The following CDC42BPA variants were observed in gnomAD, a reference collection of about 807,000 sequenced individuals.
CDC42BPA encodes CDC42 binding protein kinase alpha.
A neutral mutation model predicts 223.5 loss-of-function variants in CDC42BPA; 80 were observed. The ratio of observed to expected loss-of-function variants is 0.36; its 90% CI spans 0.30 to 0.43. The LOEUF (loss-of-function observed/expected upper bound fraction) is 0.43, where lower values mean the gene tolerates loss of function less well. Among genes scored for constraint, CDC42BPA ranks in the 20% least tolerant of loss-of-function variants. The probability of loss-of-function intolerance (pLI) is 1.00; values close to 1 mark genes in which losing one functional copy is unlikely to be tolerated. For synonymous variants in CDC42BPA, 694 were observed against 718.6 expected (o/e 0.97, Z 0.55); for missense variants, 1,743 against 2,099.9 (o/e 0.83, Z 3.32).
chr1:227,009,658 C>T (rs915610248), intron 34 of CDC42BPA, among the ~76,000 whole-genome samples: 4 of 152,036 alleles, frequency 2.6e-5, no homozygotes, highest in African/African-American at 9.7e-5. Flanking sequence ...TCAAGTGGTC[C>T]TCCTGCCTCA....
At chr1:227,064,617 T>C (rs1321592499) in intron 21 of CDC42BPA, among the ~76,000 whole-genome samples, 1 of 152,062 alleles carries the variant, frequency 6.6e-6, no homozygotes, top group Admixed American at 6.5e-5. Context: ...AGGCTGGGGC[T>C]AACATGGACT....
chr1:227,121,124 G>T (rs1166399170), intron 11 of CDC42BPA, among the ~76,000 whole-genome samples: 1 of 152,116 alleles, frequency 6.6e-6, no homozygotes. Context: ...CCCGAGAATT[G>T]GGGATCTCTG....
intron 23 of CDC42BPA, 35 bp from the exon 24 acceptor site, chr1:227,040,271 G>A: frequency 7.4e-7 from 1 of 1,343,556 alleles, no homozygotes; most frequent in Non-Finnish European, 1.1e-6. Context: ...CACACAGATT[G>A]TTTAAAAGAT....
chr1:227,185,367 C>T (rs1440121617), intron 5 of CDC42BPA, among the ~76,000 whole-genome samples: 2 of 152,130 alleles, frequency 1.3e-5, no homozygotes, highest in Non-Finnish European at 2.9e-5. Context: ...CCTAACATGG[C>T]GATTCCCACC....
intron 10 of CDC42BPA, 41 bp from the exon 11 acceptor site, chr1:227,129,272 C>T (rs778861891): frequency 6.5e-6 from 9 of 1,389,650 alleles, no homozygotes; most frequent in East Asian, 2.4e-5. Flanking sequence ...TATCACCATA[C>T]TCTAAATTCT....
At chr1:227,053,713 T>C (rs531665716) in intron 21 of CDC42BPA, among the ~76,000 whole-genome samples, 1 of 152,168 alleles carries the variant, frequency 6.6e-6, no homozygotes, top group Non-Finnish European at 1.5e-5. Flanking sequence ...TTTCCTTTCC[T>C]GATAGTAAAT....
chr1:227,277,903 C>T (rs911131703), intron 1 of CDC42BPA, among the ~76,000 whole-genome samples: 7 of 152,104 alleles, frequency 4.6e-5, no homozygotes, highest in Non-Finnish European at 8.8e-5. Context: ...GCACCCGCCA[C>T]GACGCCCGGC....
intron 8 of CDC42BPA, among the ~76,000 whole-genome samples, chr1:227,144,306 G>A (rs1201697360): frequency 6.6e-6 from 1 of 152,176 alleles, no homozygotes; most frequent in Non-Finnish European, 1.5e-5. Context: ...GCCGGGAGCA[G>A]TGGCTCATGC....
chr1:227,253,890 T>C (rs756293645), intron 2 of CDC42BPA, among the ~76,000 whole-genome samples, 174 bp downstream of exon 2: 2 of 152,154 alleles, frequency 1.3e-5, no homozygotes, highest in Non-Finnish European at 2.9e-5. Flanking sequence ...ATTCAACACT[T>C]TATTTTCTGA....
rs563416219 is a variant in CDC42BPA, at chr1:227,203,541, C to T, written c.355-3889G>A. ...TCAACATGCTTAAAGGCTTTAGTAA[C>T]ATCTACTTCATTACCTTTTTTAAAA... is the stretch of plus-strand genomic sequence containing the variant. On this transcript the variant is annotated intron_variant, in intron 3 of 36. Coordinates refer to ENST00000366766, the MANE Select transcript of CDC42BPA (RefSeq NM_001394014.1). 4.6e-5 allele frequency among the ~76,000 whole-genome samples: 7 copies of T among 152,148 alleles called. No homozygotes were observed. In the South Asian group the frequency reaches 1.5e-3, roughly 32 times the overall value.
chr1:227,027,783 AT>A (rs1668543304), intron 30 of CDC42BPA, among the ~76,000 whole-genome samples: 2 of 152,160 alleles, frequency 1.3e-5, no homozygotes, highest in African/African-American at 4.8e-5. Flanking sequence ...TTCAATAATA[AT>A]TGGATTATTT....
chr1:227,192,222 T>C (rs1460948892), intron 5 of CDC42BPA, among the ~76,000 whole-genome samples: 1 of 152,166 alleles, frequency 6.6e-6, no homozygotes, highest in African/African-American at 2.4e-5. Flanking sequence ...ACAGAAACAT[T>C]CTACTCCTTG....
chr1:227,084,673 G>A (rs939106188), intron 16 of CDC42BPA, among the ~76,000 whole-genome samples: 17 of 151,488 alleles, frequency 1.1e-4, no homozygotes, highest in East Asian at 3.9e-4. Flanking sequence ...TAGAGATACC[G>A]TGCTAGTTTC....
At chr1:227,253,284 G>A (rs548915157) in intron 2 of CDC42BPA, among the ~76,000 whole-genome samples, 20 of 152,218 alleles carry the variant, frequency 1.3e-4, no homozygotes, top group Non-Finnish European at 2.1e-4. Context: ...GCGCGTGCGC[G>A]TGCATGTGTA....
At chr1:227,253,607 A>AATAC (rs1553419178) in intron 2 of CDC42BPA, among the ~76,000 whole-genome samples, 3,084 of 116,482 alleles carry the variant, frequency 0.026, 48 homozygotes, top group South Asian at 0.051. Context: ...AAAATAAATA[A>AATAC]ATACATACAT....
intron 11 of CDC42BPA, among the ~76,000 whole-genome samples, chr1:227,128,589 A>G (rs1209404865): frequency 6.6e-6 from 1 of 152,236 alleles, no homozygotes; most frequent in Non-Finnish European, 1.5e-5. Context: ...AAAAAATGCA[A>G]TAAATGAATA....
intron 16 of CDC42BPA, among the ~76,000 whole-genome samples, chr1:227,090,909 T>C (rs1682955756): frequency 6.6e-6 from 1 of 152,134 alleles, no homozygotes; most frequent in African/African-American, 2.4e-5. Flanking sequence ...GTTGGGAAAT[T>C]TGAGATACTA....
chr1:227,105,512 C>T (rs1394661158), intron 14 of CDC42BPA, among the ~76,000 whole-genome samples: 1 of 151,780 alleles, frequency 6.6e-6, no homozygotes, highest in Non-Finnish European at 1.5e-5. Context: ...TACCACCATG[C>T]CCAGCTAATT....
chr1:227,246,134 G>T (rs1232619635), intron 2 of CDC42BPA, among the ~76,000 whole-genome samples: 1 of 152,140 alleles, frequency 6.6e-6, no homozygotes, highest in Non-Finnish European at 1.5e-5. Flanking sequence ...GAGCTCTTGG[G>T]CTTTAAGTGA....
Sources: gnomAD v4.1 joint callset for allele counts (sites outside exome capture counted in the v4.1 genomes callset) on GRCh38, gnomAD v4.1.1 for gene constraint, MANE v1.5 for transcripts, NCBI Gene and HGNC (gene_info 2026-07-23, HGNC 2026-07-21) for gene names.